The following ARSG variants were observed in gnomAD, a reference collection of about 807,000 sequenced individuals.
ARSG encodes the protein ASG.
A neutral mutation model predicts 50.5 loss-of-function variants in ARSG; 37 were observed. That is an observed-to-expected ratio of 0.73 (90% confidence interval 0.56 to 0.96). The LOEUF is 0.96. Ranked by LOEUF, ARSG falls within the 50% of genes least tolerant of loss-of-function variation. ARSG has a pLI of 0.00. For missense variants in ARSG, 629 were observed against 675.3 expected, an observed-to-expected ratio of 0.93 and a Z score of 0.76; for synonymous variants, 225 against 254.6, an observed-to-expected ratio of 0.88 and a Z score of 1.11.
intron 2 of ARSG, among the ~76,000 whole-genome samples, chr17:68,342,521 T>G (rs1457149560): frequency 6.6e-6 from 1 of 151,904 alleles, no homozygotes; most frequent in Non-Finnish European, 1.5e-5. Flanking sequence ...ACCCAGCTAA[T>G]TTTTTAAAAA....
At chr17:68,418,219 G>A (rs149701939) in intron 11 of ARSG, among the ~76,000 whole-genome samples, 1 of 152,068 alleles carries the variant, frequency 6.6e-6, no homozygotes, top group Non-Finnish European at 1.5e-5. Context: ...GTTGATTTTT[G>A]TTTTCACTGG....
chr17:68,383,430 A>G (rs1274929003), intron 8 of ARSG, among the ~76,000 whole-genome samples: 1 of 152,212 alleles, frequency 6.6e-6, no homozygotes, highest in Non-Finnish European at 1.5e-5. Flanking sequence ...CTGGAACCAC[A>G]GCCGTGATCT....
chr17:68,389,940 C>G (rs9906218), intron 9 of ARSG, among the ~76,000 whole-genome samples: 4,517 of 152,078 alleles, frequency 0.03, 189 homozygotes, highest in African/African-American at 0.095. Flanking sequence ...TACCTACCCC[C>G]CACCTGCACA....
chr17:68,443,076 A>G, the ARSG span, among the ~76,000 whole-genome samples: 1 of 152,118 alleles, frequency 6.6e-6, no homozygotes, highest in Non-Finnish European at 1.5e-5. Context: ...AACAGCCTCA[A>G]TGGCTTTGTT....
At chr17:68,374,259 G>A (rs756448297) in intron 8 of ARSG, among the ~76,000 whole-genome samples, 104 of 152,094 alleles carry the variant, frequency 6.8e-4, no homozygotes, top group Non-Finnish European at 1.3e-3. Context: ...CTGTACCTGG[G>A]ACACTCTTGG....
At chr17:68,426,101 G>C, downstream of ARSG, 1 of 1,612,732 alleles carries the variant, frequency 6.2e-7, no homozygotes, top group East Asian at 2.2e-5. Flanking sequence ...TCATCATCAA[G>C]ACACACTGGT....
At chr17:68,273,550 G>C (rs574499309) in intron 1 of ARSG, among the ~76,000 whole-genome samples, 107 of 152,204 alleles carry the variant, frequency 7.0e-4, no homozygotes, top group African/African-American at 2.4e-3. Flanking sequence ...GGTTTTCTTA[G>C]GCCCCCAAGA....
At chr17:68,391,456 T>C (rs1051705603) in intron 9 of ARSG, among the ~76,000 whole-genome samples, 1 of 152,174 alleles carries the variant, frequency 6.6e-6, no homozygotes, top group East Asian at 1.9e-4. Context: ...TCTGAGACAT[T>C]AGGATTCCGT....
intron 6 of ARSG, among the ~76,000 whole-genome samples, chr17:68,366,191 G>A (rs946307786): frequency 6.6e-6 from 1 of 151,704 alleles, no homozygotes; most frequent in African/African-American, 2.4e-5. Flanking sequence ...CGCCTGCCTC[G>A]GCCTCCCAAA....
At chr17:68,323,845 G>A (rs534965367) in intron 2 of ARSG, among the ~76,000 whole-genome samples, 1 of 152,128 alleles carries the variant, frequency 6.6e-6, no homozygotes, top group South Asian at 2.1e-4. Flanking sequence ...GGCCGAAGCG[G>A]GTGGATCACC....
chr17:68,390,499 C>T (rs774325738), intron 9 of ARSG, among the ~76,000 whole-genome samples: 2 of 152,174 alleles, frequency 1.3e-5, no homozygotes, highest in East Asian at 1.9e-4. Flanking sequence ...CCTGTTATCA[C>T]GAGTGGGTTC....
At chr17:68,267,830 A>G (rs1445851312) in intron 1 of ARSG, 1 of 152,254 alleles carries the variant, frequency 6.6e-6, no homozygotes, top group Non-Finnish European at 1.5e-5. Flanking sequence ...CAATCAAGTC[A>G]TGTGTTATAG....
chr17:68,269,042 G>A, intron 1 of ARSG: 1 of 1,591,850 alleles, frequency 6.3e-7, no homozygotes, highest in African/African-American at 1.4e-5. Context: ...TCCCCGTTGG[G>A]CCCACCCCAT....
At chr17:68,333,349 C>T (rs1346104256) in intron 2 of ARSG, among the ~76,000 whole-genome samples, 5 of 148,076 alleles carry the variant, frequency 3.4e-5, no homozygotes, top group Admixed American at 6.7e-5. Flanking sequence ...AATAAGAGGC[C>T]GGGCGTGGTG....
chr17:68,375,132 C>A (rs8080555), intron 8 of ARSG, among the ~76,000 whole-genome samples: 75,007 of 151,938 alleles, frequency 0.49, 19,507 homozygotes, highest in African/African-American at 0.65. Flanking sequence ...TCTTGCTAAC[C>A]TACAGTTCTG....
chr17:68,358,716 A>C (rs566534362), intron 6 of ARSG, among the ~76,000 whole-genome samples: 33 of 152,120 alleles, frequency 2.2e-4, no homozygotes, highest in Admixed American at 2.0e-3. Flanking sequence ...CAAGTTATTA[A>C]ATAGCTGAGC....
chr17:68,359,189 A>C (rs1168479020), intron 6 of ARSG, among the ~76,000 whole-genome samples: 1 of 152,136 alleles, frequency 6.6e-6, no homozygotes, highest in Non-Finnish European at 1.5e-5. Flanking sequence ...CAACAACAAC[A>C]AAACTACCCC....
downstream of ARSG, chr17:68,421,603 TG>T: frequency 1.2e-6 from 1 of 842,732 alleles, no homozygotes; most frequent in Non-Finnish European, 1.9e-6. Context: ...ACCAGGGTCG[TG>T]GGAAGCTTGG....
intron 2 of ARSG, among the ~76,000 whole-genome samples, chr17:68,316,508 G>A (rs1280264928): frequency 6.6e-6 from 1 of 152,184 alleles, no homozygotes; most frequent in Non-Finnish European, 1.5e-5. Context: ...TTGGATTCCT[G>A]GATCTAAACT....
Sources: gnomAD v4.1 joint callset for allele counts (sites outside exome capture counted in the v4.1 genomes callset) on GRCh38, gnomAD v4.1.1 for gene constraint, MANE v1.5 for transcripts, NCBI Gene and HGNC (gene_info 2026-07-23, HGNC 2026-07-21) for gene names.